GPHN: variants seen among roughly 807,000 people sequenced by gnomAD.
The protein encoded by GPHN is gephyrin.
GPHN carries 17 observed loss-of-function variants against 95.5 expected under a neutral mutation model. The observed-to-expected ratio is 0.18, with a 90% confidence interval of 0.12 to 0.27. The LOEUF is 0.27. Among genes scored for constraint, GPHN ranks in the 10% least tolerant of loss-of-function variants. The pLI, the probability that GPHN is intolerant of heterozygous loss-of-function variation, is 1.00. For missense variants in GPHN, 660 were observed against 978.1 expected (o/e 0.67, Z 4.34); for synonymous variants, 320 against 322.5 (o/e 0.99, Z 0.08).
the GPHN span, among the ~76,000 whole-genome samples, chr14:67,274,456 G>A: frequency 6.5e-4 from 99 of 152,166 alleles, 2 homozygotes; most frequent in East Asian, 0.019. Flanking sequence ...ATTTCTGAGG[G>A]CTCTGTTCTG....
At chr14:67,558,928 T>G in the GPHN span, among the ~76,000 whole-genome samples, 2 of 152,374 alleles carry the variant, frequency 1.3e-5, no homozygotes, top group East Asian at 3.9e-4. Context: ...AATGCAACTT[T>G]ATTTACAAAA....
intron 2 of GPHN, among the ~76,000 whole-genome samples, chr14:66,746,123 A>T (rs2058138563): frequency 6.6e-6 from 1 of 152,198 alleles, no homozygotes; most frequent in Non-Finnish European, 1.5e-5. Context: ...GGCTGTCACA[A>T]ATAAATCTAC....
the GPHN span, among the ~76,000 whole-genome samples, chr14:67,527,085 T>C: frequency 6.6e-6 from 1 of 152,230 alleles, no homozygotes; most frequent in Non-Finnish European, 1.5e-5. Flanking sequence ...CCCAGGGTAC[T>C]TGTGGCTCAC....
chr14:67,185,528 A>G (rs985217812), downstream of GPHN, among the ~76,000 whole-genome samples: 3 of 152,200 alleles, frequency 2.0e-5, no homozygotes, highest in Non-Finnish European at 4.4e-5. Context: ...TTTTGTCAGT[A>G]GTTGATACTT....
chr14:67,600,327 A>AACTGAG, the GPHN span: 2 of 811,436 alleles, frequency 2.5e-6, no homozygotes, highest in Non-Finnish European at 3.6e-6. Context: ...AAGCCTGCGC[A>AACTGAG]GCCTCAGTTG....
At chr14:67,248,044 A>G in the GPHN span, among the ~76,000 whole-genome samples, 1 of 152,154 alleles carries the variant, frequency 6.6e-6, no homozygotes, top group Non-Finnish European at 1.5e-5. Flanking sequence ...GTTGAATTTT[A>G]TCATATGCCT....
At chr14:67,158,505 A>G (rs1334866658) in intron 18 of GPHN, among the ~76,000 whole-genome samples, 2 of 152,122 alleles carry the variant, frequency 1.3e-5, no homozygotes, top group African/African-American at 4.8e-5. Context: ...GGCTGTAGAG[A>G]TAGAAGGGAA....
At chr14:66,703,424 C>T (rs1223553303) in intron 2 of GPHN, among the ~76,000 whole-genome samples, 3 of 152,094 alleles carry the variant, frequency 2.0e-5, no homozygotes, top group East Asian at 1.9e-4. Flanking sequence ...AAAGGAAGCC[C>T]GTTGGAATAA....
At chr14:67,356,154 T>C in the GPHN span, among the ~76,000 whole-genome samples, 1 of 152,116 alleles carries the variant, frequency 6.6e-6, no homozygotes, top group Non-Finnish European at 1.5e-5. Context: ...GTGCAGTGGC[T>C]CACACCTGTA....
At chr14:67,642,134 G>A in the GPHN span, 4 of 1,562,350 alleles carry the variant, frequency 2.6e-6, no homozygotes, top group Non-Finnish European at 3.5e-6. Context: ...GGCTAGTTAA[G>A]AGTTGGAGAT....
At chr14:67,011,145 G>T (rs2072976248) in intron 9 of GPHN, among the ~76,000 whole-genome samples, 1 of 151,894 alleles carries the variant, frequency 6.6e-6, no homozygotes, top group Non-Finnish European at 1.5e-5. Flanking sequence ...CACCCATTTG[G>T]TAACCATTTA....
At chr14:66,840,192 T>C (rs535939583) in intron 4 of GPHN, among the ~76,000 whole-genome samples, 10 of 152,188 alleles carry the variant, frequency 6.6e-5, no homozygotes, top group Non-Finnish European at 1.3e-4. Context: ...GGCAGGAGAA[T>C]CATTTGTACC....
the GPHN span, among the ~76,000 whole-genome samples, chr14:67,381,207 C>A: frequency 6.6e-6 from 1 of 152,182 alleles, no homozygotes; most frequent in Admixed American, 6.5e-5. Context: ...TAAACCTTAA[C>A]ATAAACCCGT....
chr14:66,820,078 A>G (rs2061132523), intron 3 of GPHN, among the ~76,000 whole-genome samples: 1 of 152,186 alleles, frequency 6.6e-6, no homozygotes, highest in Non-Finnish European at 1.5e-5. Context: ...TTACAGTCAT[A>G]TGTTAACTAT....
chr14:67,109,611 G>C (rs1416010855), intron 13 of GPHN, among the ~76,000 whole-genome samples: 1 of 152,152 alleles, frequency 6.6e-6, no homozygotes, highest in Non-Finnish European at 1.5e-5. Context: ...ATTGATAGGT[G>C]AGCTAATGTG....
At chr14:66,719,037 G>C (rs2153426505) in intron 2 of GPHN, among the ~76,000 whole-genome samples, 1 of 152,292 alleles carries the variant, frequency 6.6e-6, no homozygotes, top group Admixed American at 6.5e-5. Flanking sequence ...ATCCACAGGG[G>C]TGGTCTCTCC....
chr14:67,706,930 A>C, the GPHN span, among the ~76,000 whole-genome samples: 68,269 of 152,038 alleles, frequency 0.45, 17,879 homozygotes, highest in Non-Finnish European at 0.61. Flanking sequence ...CTCATGTCCT[A>C]TGCAGAGAAA....
At chr14:67,301,601 A>G in the GPHN span, 1 of 502,034 alleles carries the variant, frequency 2.0e-6, no homozygotes, top group Non-Finnish European at 3.4e-6. Flanking sequence ...CATCTATAAC[A>G]TAGTAGTTAT....
the GPHN span, chr14:67,581,033 G>C: frequency 7.5e-6 from 12 of 1,605,396 alleles, no homozygotes; most frequent in Non-Finnish European, 1.0e-5. Flanking sequence ...TGATGTACAA[G>C]AACAGGTCCT....
Sources: allele counts gnomAD v4.1 joint callset (sites outside exome capture counted in the v4.1 genomes callset), GRCh38; gene constraint gnomAD v4.1.1; transcripts MANE v1.5; gene names NCBI Gene and HGNC (gene_info 2026-07-23, HGNC 2026-07-21).